The following LYST variants were observed in gnomAD, a reference collection of about 807,000 sequenced individuals.
LYST encodes lysosomal-trafficking regulator.
In LYST, 192 loss-of-function variants were observed where a neutral mutation model predicts 413.6. The ratio of observed to expected loss-of-function variants is 0.46; its 90% confidence interval spans 0.41 to 0.52. The LOEUF is 0.52. Ranked by LOEUF, LYST falls within the 20% of genes least tolerant of loss-of-function variation. The pLI is 0.00. For missense variants in LYST, 3,815 were observed against 4,499.9 expected, an observed-to-expected ratio of 0.85 and a Z score of 4.35; for synonymous variants, 1,525 against 1,567.3, an observed-to-expected ratio of 0.97 and a Z score of 0.64.
At chr1:235,687,165 A>C in intron 47 of LYST, 118 bp from the exon 48 acceptor site, 1 of 744,748 alleles carries the variant, frequency 1.3e-6, no homozygotes, top group East Asian at 2.8e-5. Flanking sequence ...TATTTTTTTT[A>C]ACTCTCAAAA....
chr1:235,748,921 T>C (rs1027685687), intron 28 of LYST, among the ~76,000 whole-genome samples: 1 of 152,174 alleles, frequency 6.6e-6, no homozygotes, highest in East Asian at 1.9e-4. Context: ...CAACTCCTGC[T>C]GAAGGTGAAG....
At chr1:235,825,603 A>G (rs1675241100) in intron 3 of LYST, among the ~76,000 whole-genome samples, 1 of 152,216 alleles carries the variant, frequency 6.6e-6, no homozygotes, top group Non-Finnish European at 1.5e-5. Flanking sequence ...AAGGAATAAA[A>G]TATTTAGAAT....
chr1:235,734,254 T>G (rs1251883086), intron 32 of LYST, among the ~76,000 whole-genome samples: 3 of 152,082 alleles, frequency 2.0e-5, no homozygotes, highest in Non-Finnish European at 4.4e-5. Context: ...TTTCCTTCAC[T>G]GAAGGCTACT....
chr1:235,833,786 A>G (rs1676248346), intron 1 of LYST, 119 bp from the exon 2 acceptor site: 1 of 155,262 alleles, frequency 6.4e-6, no homozygotes. Flanking sequence ...TGAAATTTTT[A>G]GATCTTAGGA....
In LYST at chr1:235,702,796, T is replaced by C. The variant is rs377184829; in HGVS notation, c.10325A>G (p.Gln3442Arg). ...TTCTCGGGTCTCCCTGAAAGCAAAC[T>C]GCACTAGCAACCCCACAGCAGCTGG... is the stretch of plus-strand genomic sequence containing the variant. ...ELPAAVGLLV[Q>R]FAFRETREQV... The change falls in exon 45 of 53, where the codon CAG (glutamine) becomes CGG (arginine). Residue 3442 changes from glutamine (Q) to arginine (R), a missense_variant. Coordinates refer to ENST00000389793, the MANE Select transcript of LYST (RefSeq NM_000081.4). The C allele has an allele frequency of 6.2e-7, 1 of 1,614,168 alleles. No homozygotes were observed. Among genetic ancestry groups the C allele is most frequent in the Non-Finnish European group, 8.5e-7 (1 of 1,180,030 alleles).
chr1:235,828,121 A>G (rs182392669), intron 3 of LYST: 1 of 955,728 alleles, frequency 1.0e-6, no homozygotes, highest in East Asian at 1.2e-4. Flanking sequence ...CTAGCAAAAT[A>G]TTCCCAAAAG....
At chr1:235,819,846 C>T (rs1176287315) in intron 3 of LYST, among the ~76,000 whole-genome samples, 1 of 152,118 alleles carries the variant, frequency 6.6e-6, no homozygotes, top group Non-Finnish European at 1.5e-5. Context: ...TGGGGTATCA[C>T]CGTGTTAGCC....
At chr1:235,770,387 AC>A in intron 19 of LYST, 90 bp from the exon 20 acceptor site, 1 of 1,110,780 alleles carries the variant, frequency 9.0e-7, no homozygotes. Flanking sequence ...CAACAATTTA[AC>A]ATTGTGTATA....
chr1:235,804,666 C>G lies in LYST; in HGVS notation c.3394-1G>C, dbSNP rs1672617191. The G allele has an allele frequency of 6.3e-7, 1 of 1,579,502 alleles. No individual in the cohort carries two copies. The highest frequency in any genetic ancestry group is 8.7e-7 in the Non-Finnish European group (1 of 1,150,946). ...ATAATATACTTTCCACAGACAAGTT[C>G]TAAGGTAAAATAAAAGAGACTAAGA... is the stretch of plus-strand genomic sequence containing the variant. On this transcript the variant is annotated splice_acceptor_variant, in intron 6 of 52. Coordinates refer to ENST00000389793, the MANE Select transcript of LYST (RefSeq NM_000081.4). LOFTEE classifies it high-confidence loss of function.
In LYST at chr1:235,724,019, T is replaced by A; in HGVS notation, c.9315+9A>T. 3.1e-6 allele frequency: 5 copies of A among 1,611,336 alleles called. No homozygotes were observed. The highest frequency in any genetic ancestry group is 4.2e-6 in the Non-Finnish European group (5 of 1,177,666). On this transcript the variant is annotated intron_variant, in intron 39 of 52. Coordinates refer to ENST00000389793, the MANE Select transcript of LYST (RefSeq NM_000081.4). ...AACAATATATATCAATTAATAAGGGTGAATTTACCTTGGTGTTATCAAATG... is the reference window on the plus strand; with the variant it reads ...AACAATATATATCAATTAATAAGGGAGAATTTACCTTGGTGTTATCAAATG...
At chr1:235,849,091 T>C (rs1678226225) in intron 1 of LYST, among the ~76,000 whole-genome samples, 1 of 152,130 alleles carries the variant, frequency 6.6e-6, no homozygotes, top group Non-Finnish European at 1.5e-5. Context: ...ACGATATCCT[T>C]GATGAACACA....
At position 235,822,804 on chromosome 1, in the gene LYST, C is replaced by T. The variant is rs565459752; in HGVS notation, c.192+7422G>A. Among the ~76,000 whole-genome samples, 4 of 152,294 alleles carry T rather than the reference C, an allele frequency of 2.6e-5. No homozygotes were observed. The East Asian group carries it at 5.8e-4, about 22-fold the overall frequency. ...ATGTGATCAACATGTTGTTATGTGA[C>T]TTCTTGCAGCTTCTGCACCCTCTTG... On this transcript the variant is annotated intron_variant, in intron 3 of 52. Coordinates refer to ENST00000389793, the MANE Select transcript of LYST (RefSeq NM_000081.4).
chr1:235,857,784 C>CACACACATATAT (rs145820873), intron 1 of LYST, among the ~76,000 whole-genome samples: 11 of 122,044 alleles, frequency 9.0e-5, no homozygotes, highest in African/African-American at 3.2e-4. Context: ...CACACACACA[C>CACACACATATAT]ATATATATAT....
intron 48 of LYST, among the ~76,000 whole-genome samples, chr1:235,680,894 T>C (rs529013596): frequency 1.2e-4 from 18 of 152,284 alleles, no homozygotes; most frequent in Non-Finnish European, 2.5e-4. Context: ...CCACCGCGCC[T>C]GGCCTACAAG....
rs190366791 is a variant in LYST, at chr1:235,795,532, C to A, written c.4007-1920G>T. On this transcript the variant is annotated intron_variant, in intron 10 of 52. Coordinates refer to ENST00000389793, the MANE Select transcript of LYST (RefSeq NM_000081.4). ...AGCCAAGCCCTATATGTGAAAGATG[C>A]ATTTTTCTAAGGTATGCAAACTGCC... is the stretch of plus-strand genomic sequence containing the variant. Among the ~76,000 whole-genome samples, 17 of 152,300 alleles carry A rather than the reference C, an allele frequency of 1.1e-4. No individual in the cohort carries two copies. The East Asian group carries it at 3.1e-3, about 28-fold the overall frequency.
chr1:235,697,121 C>T lies in LYST; in HGVS notation c.10526G>A (p.Arg3509Gln), dbSNP rs138936105. 205 of 1,614,114 alleles carry T rather than the reference C, an allele frequency of 1.3e-4. No homozygotes were observed. The African/African-American group carries it at 1.6e-3, about 12-fold the overall frequency. ...LPTRAICGLS[R>Q]NFCLLMTYSK... ...ATATGTCATCAGAAGACAGAAATTC[C>T]GTGACAAACCACAGATTGCTCTGGT... is the stretch of plus-strand genomic sequence containing the variant. Residue 3509 changes from arginine to glutamine, a missense_variant, in exon 46 of 53, where the codon CGG becomes CAG. Arg to Gln is a conservative substitution (Grantham distance 43). Around this residue, in one of 4 missense-constraint regions of LYST, gnomAD observed 866 missense variants for 1,156.0 expected, o/e 0.75. Coordinates refer to ENST00000389793, the MANE Select transcript of LYST (RefSeq NM_000081.4).
intron 47 of LYST, among the ~76,000 whole-genome samples, chr1:235,687,329 T>C (rs1005364977): frequency 1.3e-5 from 2 of 152,212 alleles, no homozygotes; most frequent in Non-Finnish European, 2.9e-5. Flanking sequence ...TATGTGTATA[T>C]ATATTTAGAT....
intron 1 of LYST, among the ~76,000 whole-genome samples, chr1:235,863,901 A>G (rs1338603666): frequency 2.0e-5 from 3 of 152,212 alleles, no homozygotes; most frequent in Non-Finnish European, 1.5e-5. Context: ...ACTTCCTTGT[A>G]AAATCCAGTA....
At chr1:235,708,283 T>G (rs919789385) in intron 44 of LYST, among the ~76,000 whole-genome samples, 1 of 152,202 alleles carries the variant, frequency 6.6e-6, no homozygotes. Flanking sequence ...TAGTCTGTAT[T>G]TTATACATTT....
Sources: gnomAD v4.1 joint callset for allele counts (sites outside exome capture counted in the v4.1 genomes callset) on GRCh38, gnomAD v4.1.1 for gene constraint, gnomAD v4.1.1 regional missense constraint, MANE v1.5 for transcripts, NCBI Gene and HGNC (gene_info 2026-07-23, HGNC 2026-07-21) for gene names.